ACKR3: variants seen among roughly 807,000 people sequenced by gnomAD.
The protein encoded by ACKR3 is C-X-C chemokine receptor type 7.
In ACKR3, 6 loss-of-function variants were observed where a neutral mutation model predicts 22.4. That is an observed-to-expected ratio of 0.27 (90% CI 0.15 to 0.53). ACKR3 has a LOEUF of 0.53. Ranked by LOEUF, ACKR3 falls within the 20% of genes least tolerant of loss-of-function variation. ACKR3 has a pLI of 0.96. For synonymous variants in ACKR3, 209 were observed against 205.2 expected, an observed-to-expected ratio of 1.02 and a Z score of -0.16; for missense variants, 396 against 475.2, an observed-to-expected ratio of 0.83 and a Z score of 1.55.
rs1691544229 is a variant in ACKR3 at position 236,581,732 on chromosome 2, G to C, written c.*178G>C. On this transcript the variant is annotated 3_prime_UTR_variant, in exon 2 of 2. Transcript: ENST00000272928. This position sits in a 1 kb window ranked among gnomAD's most constrained non-coding sequence, Gnocchi z 4.4. Reference sequence around the variant, plus strand: ...TCTCTTGATGACGCAGCTGTCATTTGGCTGTGCGTGCTGACAGTTTTGCAA... The same window carrying C: ...TCTCTTGATGACGCAGCTGTCATTTCGCTGTGCGTGCTGACAGTTTTGCAA... The C allele has an allele frequency of 3.7e-6, 3 of 821,802 alleles. No individual in the cohort carries two copies. In the Admixed American group the frequency reaches 9.1e-5, roughly 25 times the overall value. The allele number at this position is 821,802 out of a possible 1,614,324, so 50.9% of individuals were successfully genotyped here.
intron 1 of ACKR3, among the ~76,000 whole-genome samples, chr2:236,573,651 G>A (rs533326329): frequency 5.2e-4 from 79 of 152,338 alleles, no homozygotes; most frequent in Admixed American, 3.5e-3. Context: ...CCCCAGGCCT[G>A]GCCTGAGTTA....
At chr2:236,571,980 C>T (rs765288273) in intron 1 of ACKR3, among the ~76,000 whole-genome samples, 4 of 151,856 alleles carry the variant, frequency 2.6e-5, no homozygotes, top group South Asian at 2.1e-4. Context: ...TTGGATTGCA[C>T]GTGTGTAGGC....
chr2:236,566,700 T>TCGTTCCTTCCTTTC (rs1229067005), upstream of ACKR3, among the ~76,000 whole-genome samples: 1 of 133,834 alleles, frequency 7.5e-6, no homozygotes, highest in African/African-American at 3.4e-5. Context: ...GGTCTGTCCC[T>TCGTTCCTTCCTTTC]CTTTCCTTCC....
At chr2:236,553,363 C>T in the ACKR3 span, among the ~76,000 whole-genome samples, 1 of 152,188 alleles carries the variant, frequency 6.6e-6, no homozygotes, top group Non-Finnish European at 1.5e-5. Context: ...ACCACAGGTG[C>T]CATTTGGCAG....
At chr2:236,546,010 G>C in the ACKR3 span, among the ~76,000 whole-genome samples, 1 of 152,160 alleles carries the variant, frequency 6.6e-6, no homozygotes, top group African/African-American at 2.4e-5. This position sits in a 1 kb window ranked among gnomAD's most constrained non-coding sequence, Gnocchi z 4.9. Flanking sequence ...TTTCACCACT[G>C]TAAGTTTTGC....
the ACKR3 span, among the ~76,000 whole-genome samples, chr2:236,549,540 T>C: frequency 3.3e-5 from 5 of 152,184 alleles, no homozygotes; most frequent in African/African-American, 7.2e-5. The surrounding 1 kb of genome is among the most constrained non-coding windows in gnomAD (Gnocchi z 5.3). Flanking sequence ...CTGGGAGATA[T>C]GTGGCCAGTA....
intron 1 of ACKR3, among the ~76,000 whole-genome samples, chr2:236,575,211 C>T (rs1298534208): frequency 6.6e-6 from 1 of 152,194 alleles, no homozygotes; most frequent in Non-Finnish European, 1.5e-5. Flanking sequence ...TCAAATAACA[C>T]AGAAGTTTAT....
At chr2:236,563,806 G>C (rs144477414), upstream of ACKR3, among the ~76,000 whole-genome samples, 3 of 152,170 alleles carry the variant, frequency 2.0e-5, no homozygotes, top group African/African-American at 7.2e-5. Context: ...GACTGGAACT[G>C]ACCCTTGAGA....
rs540070376 is a variant in ACKR3, at chr2:236,571,383, A to G, written c.-27+1459A>G. 4.5e-4 allele frequency among the ~76,000 whole-genome samples: 68 copies of G among 152,270 alleles called. 1 individual carries two copies. The highest frequency in any genetic ancestry group is 9.0e-4 in the Non-Finnish European group (61 of 68,028). On this transcript the variant is annotated intron_variant, in intron 1 of 1. Coordinates refer to ENST00000272928, the MANE Select transcript of ACKR3 (RefSeq NM_020311.3). ...GATGGGGGTGGGAAAGCGAAGGAAG[A>G]TGGAGAAATGGCTGCAGTTTGCTGC... is the stretch of plus-strand genomic sequence containing the variant.
At chr2:236,572,827 C>T (rs921131638) in intron 1 of ACKR3, among the ~76,000 whole-genome samples, 2 of 152,188 alleles carry the variant, frequency 1.3e-5, no homozygotes, top group Admixed American at 6.5e-5. Flanking sequence ...TTAAAGTGGA[C>T]GAGGGTGTCC....
the ACKR3 span, among the ~76,000 whole-genome samples, chr2:236,551,260 T>G: frequency 6.6e-6 from 1 of 152,192 alleles, no homozygotes; most frequent in African/African-American, 2.4e-5. Context: ...TTCTCAGGCT[T>G]CATGCCCCAA....
the ACKR3 span, among the ~76,000 whole-genome samples, chr2:236,543,308 T>C: frequency 2.6e-5 from 4 of 152,168 alleles, no homozygotes; most frequent in Non-Finnish European, 5.9e-5. Flanking sequence ...TTTGTGGACC[T>C]GTGGAAATGA....
At chr2:236,559,856 A>G in the ACKR3 span, among the ~76,000 whole-genome samples, 2 of 152,154 alleles carry the variant, frequency 1.3e-5, no homozygotes, top group Non-Finnish European at 2.9e-5. Flanking sequence ...GTGTGAGTCT[A>G]TTTTTGGACT....
At chr2:236,562,222 G>T in the ACKR3 span, among the ~76,000 whole-genome samples, 3 of 152,124 alleles carry the variant, frequency 2.0e-5, no homozygotes, top group Non-Finnish European at 4.4e-5. Context: ...TTTGAATTTT[G>T]TCAAATGCTT....
the ACKR3 span, among the ~76,000 whole-genome samples, chr2:236,548,986 G>A: frequency 6.6e-6 from 1 of 152,126 alleles, no homozygotes; most frequent in African/African-American, 2.4e-5. This position sits in a 1 kb window ranked among gnomAD's most constrained non-coding sequence, Gnocchi z 4.3. Context: ...TCTTTTGGTC[G>A]AAAATTGGCA....
At chr2:236,559,715 A>C in the ACKR3 span, among the ~76,000 whole-genome samples, 2 of 152,024 alleles carry the variant, frequency 1.3e-5, no homozygotes, top group African/African-American at 4.8e-5. Context: ...CATTTCCAGC[A>C]CCCCCAGAAA....
chr2:236,543,942 T>C, the ACKR3 span, among the ~76,000 whole-genome samples: 13 of 7,086 alleles, frequency 1.8e-3, no homozygotes, highest in Admixed American at 3.0e-3. Flanking sequence ...GGGAGAAGGG[T>C]ATATATATAT....
At chr2:236,565,392 G>A (rs1691157108), upstream of ACKR3, among the ~76,000 whole-genome samples, 1 of 152,202 alleles carries the variant, frequency 6.6e-6, no homozygotes, top group Non-Finnish European at 1.5e-5. Context: ...TTTCTTAAAA[G>A]CAGAGGGTGA....
At chr2:236,569,440 C>T (rs756511235), upstream of ACKR3, among the ~76,000 whole-genome samples, 4 of 152,160 alleles carry the variant, frequency 2.6e-5, no homozygotes, top group South Asian at 2.1e-4. Context: ...CTCCCTAGAG[C>T]GAAGAGGCAT....
Sources: gnomAD v4.1 joint callset for allele counts (sites outside exome capture counted in the v4.1 genomes callset) on GRCh38, gnomAD v4.1.1 for gene constraint, Gnocchi (gnomAD v3.1) non-coding constraint, MANE v1.5 for transcripts, NCBI Gene and HGNC (gene_info 2026-07-23, HGNC 2026-07-21) for gene names.